Variants in FOXN1 observed in about 807,000 individuals in gnomAD.
The protein encoded by FOXN1 is forkhead box protein N1.
FOXN1 carries 15 observed loss-of-function variants against 49.0 expected under a neutral mutation model. The observed-to-expected ratio is 0.31, with a 90% confidence interval of 0.20 to 0.47. The LOEUF (loss-of-function observed/expected upper bound fraction) is 0.47. Among genes scored for constraint, FOXN1 ranks in the 20% least tolerant of loss-of-function variants. The probability of loss-of-function intolerance (pLI) is 1.00; values close to 1 mark genes in which losing one functional copy is unlikely to be tolerated. For missense variants in FOXN1, 800 were observed against 842.8 expected, an observed-to-expected ratio of 0.95 and a Z score of 0.63; for synonymous variants, 356 against 369.0, an observed-to-expected ratio of 0.96 and a Z score of 0.40.
At chr17:28,537,086 A>G (rs1173235064) in intron 8 of FOXN1, 31 bp from the exon 9 acceptor site, 3 of 1,570,984 alleles carry the variant, frequency 1.9e-6, no homozygotes, top group Non-Finnish European at 2.6e-6. Flanking sequence ...GGTGCCTCCC[A>G]GTGACACCTG....
rs943085047 is a variant in FOXN1, at chr17:28,534,479, A to G, written c.1076A>G (p.Glu359Gly). 6.2e-7 allele frequency: 1 copy of G among 1,613,938 alleles called. No individual in the cohort carries two copies. ...GCCAAGATCGACAAGATGCAAGAGGAGCTGCAAAAATGGAAGAGGAAAGAT... is the reference window on the plus strand; with the variant it reads ...GCCAAGATCGACAAGATGCAAGAGGGGCTGCAAAAATGGAAGAGGAAAGAT... ...NPAKIDKMQEELQKWKRKDPI... is the reference protein window; with the variant it reads ...NPAKIDKMQEGLQKWKRKDPI... The change falls in exon 7 of 9, where the codon GAG becomes GGG. Residue 359 changes from glutamate (E) to glycine (G), a missense_variant. Transcript: ENST00000579795. This position sits in a 1 kb window ranked among gnomAD's most constrained non-coding sequence, Gnocchi z 4.1.
At chr17:28,528,957 G>C (rs548354302) in intron 4 of FOXN1, 137 bp from the exon 5 acceptor site, 104 of 1,083,176 alleles carry the variant, frequency 9.6e-5, no homozygotes, top group Admixed American at 2.0e-4. Context: ...CTCTGCTTTG[G>C]GGGTGATGGG....
chr17:28,536,307 C>T (rs777805822), intron 8 of FOXN1, among the ~76,000 whole-genome samples: 10 of 152,164 alleles, frequency 6.6e-5, no homozygotes, highest in Admixed American at 1.3e-4. Context: ...ATGTGGGATA[C>T]GAAAAACATT....
intron 1 of FOXN1, among the ~76,000 whole-genome samples, chr17:28,510,584 A>ATG (rs2069374183): frequency 1.2e-5 from 1 of 85,236 alleles, no homozygotes; most frequent in South Asian, 2.9e-4. Flanking sequence ...ACACACGCAC[A>ATG]CACACACACA....
chr17:28,517,060 TCC>T (rs2069524469), intron 1 of FOXN1, among the ~76,000 whole-genome samples: 1 of 54,550 alleles, frequency 1.8e-5, no homozygotes, highest in Non-Finnish European at 4.9e-5. Flanking sequence ...CTCCACAGGA[TCC>T]ACACCTCCAC....
At chr17:28,510,239 C>G (rs1031383408) in intron 1 of FOXN1, among the ~76,000 whole-genome samples, 8 of 152,166 alleles carry the variant, frequency 5.3e-5, no homozygotes, top group Non-Finnish European at 1.0e-4. Flanking sequence ...GGGCTCCCCC[C>G]ACTGCCTCTG....
chr17:28,523,155 C>T (rs2069676449), intron 1 of FOXN1, among the ~76,000 whole-genome samples: 1 of 152,214 alleles, frequency 6.6e-6, no homozygotes. Context: ...CAGAAAAAGC[C>T]CTCCGATATC....
Position 28,537,640 on chromosome 17 carries a change from T to C in FOXN1, c.*204T>C, listed in dbSNP as rs2070104985. 1 of 631,482 alleles carries C rather than the reference T, an allele frequency of 1.6e-6. No individual in the cohort carries two copies. The allele number at this position is 631,482 out of a possible 1,614,324, so 39.1% of individuals were successfully genotyped here. Reference sequence around the variant, plus strand: ...CCTCTCACACATTTCTGCCACGTGGTGGCCCAGCTCCTCACCCAGGGCCCC... The same window carrying C: ...CCTCTCACACATTTCTGCCACGTGGCGGCCCAGCTCCTCACCCAGGGCCCC... On this transcript the variant is annotated 3_prime_UTR_variant, in exon 9 of 9. Transcript: ENST00000579795.
At chr17:28,509,727 C>T (rs1272311654) in intron 1 of FOXN1, among the ~76,000 whole-genome samples, 4 of 152,250 alleles carry the variant, frequency 2.6e-5, no homozygotes, top group African/African-American at 9.6e-5. Flanking sequence ...CTCCACACTG[C>T]GGGCATGTGG....
chr17:28,530,591 G>T (rs923324734), intron 5 of FOXN1, among the ~76,000 whole-genome samples, 158 bp from the exon 6 acceptor site: 3 of 152,204 alleles, frequency 2.0e-5, no homozygotes, highest in Non-Finnish European at 4.4e-5. Context: ...TCGCACGTCT[G>T]TAATTCCTGA....
chr17:28,533,239 G>A (rs941373280), intron 6 of FOXN1, among the ~76,000 whole-genome samples: 1 of 152,146 alleles, frequency 6.6e-6, no homozygotes, highest in Non-Finnish European at 1.5e-5. Context: ...CAGGGAATGA[G>A]GGCGAAGGAG....
intron 1 of FOXN1, among the ~76,000 whole-genome samples, chr17:28,521,520 C>G (rs902433219): frequency 1.3e-5 from 2 of 152,258 alleles, no homozygotes; most frequent in African/African-American, 4.8e-5. Flanking sequence ...TGGGCTGCCC[C>G]GCACCTCGGG....
intron 8 of FOXN1, among the ~76,000 whole-genome samples, chr17:28,536,594 A>G (rs1405794341): frequency 1.3e-5 from 2 of 152,274 alleles, no homozygotes; most frequent in African/African-American, 2.4e-5. Flanking sequence ...AGCCATGATG[A>G]GGGTCCACAG....
Position 28,537,362 on chromosome 17 carries a change from C to T in FOXN1, c.1873C>T (p.Pro625Ser). 6.2e-7 allele frequency: 1 copy of T among 1,612,468 alleles called. No homozygotes were observed. Among genetic ancestry groups the T allele is most frequent in the Non-Finnish European group, 8.5e-7 (1 of 1,178,982 alleles). The change falls in exon 9 of 9, where the codon CCC becomes TCC. Residue 625 changes from proline to serine, a missense_variant. Pro to Ser is a moderately conservative substitution (Grantham distance 74). This residue lies in a region of FOXN1 where 344 missense variants were observed against 366.1 expected (regional missense o/e 0.94). Transcript: ENST00000579795. ...CTACTCTGCCTTTATGGAGCTGGAG[C>T]CCACGCCCCCCACGGCCCCTGCAGG... ...TLYSAFMELE[P>S]TPPTAPAGPS...
chr17:28,523,515 G>A (rs1006817697), intron 1 of FOXN1, among the ~76,000 whole-genome samples: 1 of 152,130 alleles, frequency 6.6e-6, no homozygotes, highest in Non-Finnish European at 1.5e-5. Context: ...CAGGACCACC[G>A]ACTTGCCCAG....
chr17:28,530,505 A>G (rs1228923466), intron 5 of FOXN1, among the ~76,000 whole-genome samples: 3 of 152,234 alleles, frequency 2.0e-5, no homozygotes, highest in Non-Finnish European at 2.9e-5. Context: ...AGGGTAAGGC[A>G]TTCACCCAAG....
At chr17:28,521,687 C>T (rs2069645039) in intron 1 of FOXN1, among the ~76,000 whole-genome samples, 1 of 152,248 alleles carries the variant, frequency 6.6e-6, no homozygotes. Context: ...CAGGCCCCCA[C>T]CTAGACCCCG....
intron 6 of FOXN1, among the ~76,000 whole-genome samples, chr17:28,533,208 T>G (rs577286662): frequency 6.6e-6 from 1 of 152,236 alleles, no homozygotes; most frequent in South Asian, 2.1e-4. Flanking sequence ...GCAGAAACTT[T>G]GGGCTGAAAG....
rs201648958 is a variant in FOXN1 at position 28,534,940 on chromosome 17, C to T, written c.1369C>T (p.His457Tyr). ...CTCCTGCTATGGGCAGACATACTTGCACCTCTCACCAGGCCTGGCCCCTCC... is the reference window on the plus strand; with the variant it reads ...CTCCTGCTATGGGCAGACATACTTGTACCTCTCACCAGGCCTGGCCCCTCC... ...TPSCYGQTYL[H>Y]LSPGLAPPGP... Residue 457 changes from histidine to tyrosine, a missense_variant, in exon 8 of 9, where the codon CAC (histidine) becomes TAC (tyrosine). Coordinates refer to ENST00000579795, the MANE Select transcript of FOXN1 (RefSeq NM_001369369.1). The surrounding 1 kb of genome is among the most constrained non-coding windows in gnomAD (Gnocchi z 4.1). 1.7e-5 allele frequency: 28 copies of T among 1,614,114 alleles called. No individual in the cohort carries two copies. The Admixed American group carries it at 4.7e-4, about 27-fold the overall frequency.
Sources: gnomAD v4.1 joint callset for allele counts (sites outside exome capture counted in the v4.1 genomes callset) on GRCh38, gnomAD v4.1.1 for gene constraint, gnomAD v4.1.1 regional missense constraint, Gnocchi (gnomAD v3.1) non-coding constraint, MANE v1.5 for transcripts, NCBI Gene and HGNC (gene_info 2026-07-23, HGNC 2026-07-21) for gene names.